ADGRL3: variants seen among roughly 807,000 people sequenced by gnomAD.
The protein encoded by ADGRL3 is calcium-independent alpha-latrotoxin receptor 3.
In ADGRL3, 62 loss-of-function variants were observed where a neutral mutation model predicts 153.5. The observed-to-expected ratio is 0.40, with a 90% CI of 0.33 to 0.50. The LOEUF (loss-of-function observed/expected upper bound fraction) is 0.50, where lower values mean the gene tolerates loss of function less well. ADGRL3 is among the 20% of genes least tolerant of loss of function. The pLI, the probability that ADGRL3 is intolerant of heterozygous loss-of-function variation, is 0.47. For synonymous variants in ADGRL3, 710 were observed against 672.5 expected (o/e 1.06, Z -0.86); for missense variants, 1,641 against 1,859.4 (o/e 0.88, Z 2.16).
Position 61,706,409 on chromosome 4 carries a change from G to C in ADGRL3, c.584-24213G>C, listed in dbSNP as rs576935139. 2.3e-3 allele frequency among the ~76,000 whole-genome samples: 308 copies of C among 132,874 alleles called. 2 individuals are homozygous for C. The highest frequency in any genetic ancestry group is 5.8e-3 in the Admixed American group (71 of 12,334). The allele number at this position is 132,874 out of a possible 152,430, so 87.2% of individuals were successfully genotyped here. A position where few individuals can be genotyped will look rare whatever the true frequency, so the allele number is the denominator to read the frequency against. ...TGCACTCTGGGCTGGGTGGGTGACA[G>C]AGTGAGACTCCCTCTCAAAAAAAAA... On this transcript the variant is annotated intron_variant, in intron 6 of 26. Coordinates refer to ENST00000683033, the MANE Select transcript of ADGRL3 (RefSeq NM_001387552.1).
chr4:61,715,081 A>G (rs2096079426), intron 6 of ADGRL3, among the ~76,000 whole-genome samples: 1 of 152,192 alleles, frequency 6.6e-6, no homozygotes, highest in South Asian at 2.1e-4. Context: ...TTATCTTACC[A>G]CCTTTTTTAA....
At chr4:61,242,505 T>C (rs1331481344) in intron 1 of ADGRL3, among the ~76,000 whole-genome samples, 1 of 152,072 alleles carries the variant, frequency 6.6e-6, no homozygotes, top group African/African-American at 2.4e-5. Flanking sequence ...AATGGCCATT[T>C]ACACTGTTTT....
At chr4:61,212,397 A>G (rs527671000) in intron 1 of ADGRL3, among the ~76,000 whole-genome samples, 1 of 152,290 alleles carries the variant, frequency 6.6e-6, no homozygotes, top group African/African-American at 2.4e-5. Flanking sequence ...TCAAAACTAT[A>G]TCAAGTAAGA....
At chr4:61,544,748 T>C (rs78090293) in intron 4 of ADGRL3, among the ~76,000 whole-genome samples, 37 of 152,344 alleles carry the variant, frequency 2.4e-4, no homozygotes, top group Admixed American at 4.6e-4. Context: ...GTTTTCAACA[T>C]ACATTACCAA....
At chr4:61,364,102 C>A (rs544599252) in intron 1 of ADGRL3, among the ~76,000 whole-genome samples, 1 of 151,692 alleles carries the variant, frequency 6.6e-6, no homozygotes, top group Non-Finnish European at 1.5e-5. Context: ...GAGGCCAAGC[C>A]GGGTGGATCA....
At chr4:61,599,662 A>G (rs1052536304) in intron 5 of ADGRL3, among the ~76,000 whole-genome samples, 1 of 152,064 alleles carries the variant, frequency 6.6e-6, no homozygotes, top group Non-Finnish European at 1.5e-5. Context: ...CAGTTTTTCC[A>G]AGGAAAGCTG....
At chr4:61,669,474 C>T (rs1356036854) in intron 5 of ADGRL3, among the ~76,000 whole-genome samples, 3 of 152,068 alleles carry the variant, frequency 2.0e-5, no homozygotes, top group Non-Finnish European at 4.4e-5. Flanking sequence ...GCATTCCATC[C>T]TGAGAACTAA....
intron 1 of ADGRL3, among the ~76,000 whole-genome samples, chr4:61,356,856 T>C (rs1023368464): frequency 9.2e-5 from 14 of 152,258 alleles, no homozygotes; most frequent in African/African-American, 2.9e-4. Flanking sequence ...TTTCTTTTTG[T>C]TTGACACAAC....
intron 1 of ADGRL3, among the ~76,000 whole-genome samples, chr4:61,368,073 T>G (rs1402149673): frequency 6.6e-6 from 1 of 151,794 alleles, no homozygotes; most frequent in Non-Finnish European, 1.5e-5. Context: ...TCGCCCACTT[T>G]TTGATGGGGT....
At chr4:62,026,037 A>G (rs1179470890) in intron 21 of ADGRL3, among the ~76,000 whole-genome samples, 3 of 152,146 alleles carry the variant, frequency 2.0e-5, no homozygotes, top group Admixed American at 2.0e-4. Flanking sequence ...GACAAAAATT[A>G]TGGAGGGTAC....
At chr4:62,049,021 G>A (rs1019615015) in intron 25 of ADGRL3, among the ~76,000 whole-genome samples, 2 of 151,858 alleles carry the variant, frequency 1.3e-5, no homozygotes, top group African/African-American at 4.8e-5. Context: ...TTATCTTATT[G>A]TAAATATTAT....
chr4:61,490,150 C>A (rs335294), intron 2 of ADGRL3, among the ~76,000 whole-genome samples: 4 of 151,890 alleles, frequency 2.6e-5, no homozygotes, highest in Admixed American at 6.6e-5. Flanking sequence ...CTTCCTCCAC[C>A]TACTGTTGAG....
intron 1 of ADGRL3, among the ~76,000 whole-genome samples, chr4:61,276,384 G>C (rs1346079018): frequency 6.6e-6 from 1 of 152,010 alleles, no homozygotes. Flanking sequence ...CTTTTCATTT[G>C]TTATACATTT....
chr4:61,293,410 A>T (rs1348970076), intron 1 of ADGRL3, among the ~76,000 whole-genome samples: 1 of 152,222 alleles, frequency 6.6e-6, no homozygotes, highest in African/African-American at 2.4e-5. Flanking sequence ...ATTTAAAAGC[A>T]GTTGCTCACA....
chr4:61,882,920 C>A (rs2098516918), intron 9 of ADGRL3, among the ~76,000 whole-genome samples: 1 of 152,112 alleles, frequency 6.6e-6, no homozygotes, highest in South Asian at 2.1e-4. Context: ...GCCTGACCAA[C>A]ATGGTGAAAC....
intron 1 of ADGRL3, among the ~76,000 whole-genome samples, chr4:61,238,319 CAA>C (rs895248744): frequency 6.6e-6 from 1 of 152,056 alleles, no homozygotes; most frequent in Non-Finnish European, 1.5e-5. Context: ...ACTTAAGATA[CAA>C]ATATTTTGAA....
chr4:61,431,497 C>T (rs975556885), intron 2 of ADGRL3, among the ~76,000 whole-genome samples: 6 of 152,188 alleles, frequency 3.9e-5, no homozygotes, highest in African/African-American at 1.4e-4. Context: ...TTATTACCAC[C>T]TCCAACAAGT....
At position 61,519,636 on chromosome 4, in the gene ADGRL3, C is replaced by T. The variant is rs2098517949; in HGVS notation, c.259+2118C>T. Reference sequence around the variant, plus strand: ...GCATAATCTTTCCTAATATGGAAGACAGTATATACAGCTAGAATGCTTGGA... The same window carrying T: ...GCATAATCTTTCCTAATATGGAAGATAGTATATACAGCTAGAATGCTTGGA... On this transcript the variant is annotated intron_variant, in intron 4 of 26. Transcript: ENST00000683033. 3.3e-5 allele frequency among the ~76,000 whole-genome samples: 5 copies of T among 152,124 alleles called. No individual in the cohort carries two copies. The South Asian group carries it at 1.0e-3, about 32-fold the overall frequency.
chr4:61,400,363 A>T (rs888609173), intron 2 of ADGRL3, among the ~76,000 whole-genome samples: 1 of 151,862 alleles, frequency 6.6e-6, no homozygotes, highest in African/African-American at 2.4e-5. Context: ...TAAAATAAAT[A>T]TAGGAAAAAA....
Sources: allele counts gnomAD v4.1 joint callset (sites outside exome capture counted in the v4.1 genomes callset), GRCh38; gene constraint gnomAD v4.1.1; transcripts MANE v1.5; gene names NCBI Gene and HGNC (gene_info 2026-07-23, HGNC 2026-07-21).